Variants in CNTNAP3B observed in about 807,000 individuals in gnomAD.
CNTNAP3B encodes the protein contactin associated protein family member 3B.
A neutral mutation model predicts 108.9 loss-of-function variants in CNTNAP3B; 25 were observed. The observed-to-expected ratio is 0.23, with a 90% CI of 0.17 to 0.32. The LOEUF (loss-of-function observed/expected upper bound fraction) is 0.32, where lower values mean the gene tolerates loss of function less well. CNTNAP3B is among the 10% of genes least tolerant of loss of function. The probability of loss-of-function intolerance (pLI) is 1.00; values close to 1 mark genes in which losing one functional copy is unlikely to be tolerated. For synonymous variants in CNTNAP3B, 103 were observed against 473.4 expected (o/e 0.22, Z 10.16); for missense variants, 252 against 1,210.4 (o/e 0.21, Z 11.75).
intron 3 of CNTNAP3B, among the ~76,000 whole-genome samples, chr9:42,029,370 AT>A: frequency 7.7e-6 from 1 of 129,436 alleles, no homozygotes; most frequent in Non-Finnish European, 1.6e-5. Context: ...ACAAGTCCAC[AT>A]TTTGAGGACC....
intron 1 of CNTNAP3B, among the ~76,000 whole-genome samples, chr9:42,117,195 T>C (rs1223030840): frequency 1.5e-5 from 2 of 134,882 alleles, no homozygotes; most frequent in Non-Finnish European, 3.1e-5. Context: ...TCTACAGAAC[T>C]CTCCACCCCA....
chr9:41,940,510 G>A (rs549818517), intron 13 of CNTNAP3B, among the ~76,000 whole-genome samples: 5 of 145,564 alleles, frequency 3.4e-5, no homozygotes, highest in African/African-American at 1.3e-4. Context: ...TATCCTTCAA[G>A]AATAAAAATG....
At chr9:42,119,401 TG>T in intron 1 of CNTNAP3B, among the ~76,000 whole-genome samples, 1 of 133,410 alleles carries the variant, frequency 7.5e-6, no homozygotes, top group Non-Finnish European at 1.6e-5. Context: ...ATGGCCATAC[TG>T]CCCAAGGTAA....
At chr9:41,932,023 T>C (rs1334401672) in intron 14 of CNTNAP3B, among the ~76,000 whole-genome samples, 160 of 152,116 alleles carry the variant, frequency 1.1e-3, no homozygotes, top group African/African-American at 3.8e-3. Flanking sequence ...GTCTGGTGTT[T>C]TCATTCTGAG....
chr9:42,111,112 C>A lies in CNTNAP3B; in HGVS notation c.86-6373G>T, dbSNP rs1454318176. On this transcript the variant is annotated intron_variant, in intron 1 of 23. Coordinates refer to ENST00000377561, the MANE Select transcript of CNTNAP3B (RefSeq NM_001201380.3). ...GCACAGGGACAAGCCTCAGGCCTGG[C>A]AACTGAATGTCATGCCTGTCCTACT... Among the ~76,000 whole-genome samples, 32 of 138,200 alleles carry A rather than the reference C, an allele frequency of 2.3e-4. 1 individual carries two copies. The highest frequency in any genetic ancestry group is 5.8e-4 in the Admixed American group (8 of 13,818). The allele number at this position is 138,200 out of a possible 152,430, so 90.7% of individuals were successfully genotyped here. A position where few individuals can be genotyped will look rare whatever the true frequency, so the allele number is the denominator to read the frequency against.
At chr9:41,962,075 C>T (rs1452690771) in intron 11 of CNTNAP3B, among the ~76,000 whole-genome samples, 1 of 151,876 alleles carries the variant, frequency 6.6e-6, no homozygotes, top group Non-Finnish European at 1.5e-5. Context: ...AACTGTTTGG[C>T]TTTTTAAATG....
chr9:42,122,052 A>ACGC (rs1445004044), intron 1 of CNTNAP3B, among the ~76,000 whole-genome samples: 1 of 139,952 alleles, frequency 7.1e-6, no homozygotes, highest in Admixed American at 7.1e-5. Flanking sequence ...GTTACATGAC[A>ACGC]AGTGAGGAGC....
At chr9:41,990,891 A>C (rs1825793731) in intron 8 of CNTNAP3B, among the ~76,000 whole-genome samples, 1 of 139,108 alleles carries the variant, frequency 7.2e-6, no homozygotes, top group Admixed American at 7.2e-5. Flanking sequence ...GCCCAACAAA[A>C]ACAGGCCCTG....
chr9:41,921,244 C>G lies in CNTNAP3B; in HGVS notation c.2756-935G>C, dbSNP rs1188158202. ...TTCTAGGCATTCCCTTAAATAATCTCCAAGATTACAAGTGAGAAAATCAAG... is the reference window on the plus strand; with the variant it reads ...TTCTAGGCATTCCCTTAAATAATCTGCAAGATTACAAGTGAGAAAATCAAG... On this transcript the variant is annotated intron_variant, in intron 17 of 23. Coordinates refer to ENST00000377561, the MANE Select transcript of CNTNAP3B (RefSeq NM_001201380.3). Among the ~76,000 whole-genome samples, 38 of 152,222 alleles carry G rather than the reference C, an allele frequency of 2.5e-4. No individual in the cohort carries two copies. The South Asian group carries it at 6.2e-3, about 25-fold the overall frequency.
intron 11 of CNTNAP3B, among the ~76,000 whole-genome samples, chr9:41,962,082 AATG>A (rs985542654): frequency 2.0e-5 from 3 of 152,268 alleles, no homozygotes; most frequent in African/African-American, 4.8e-5. Context: ...TGGCTTTTTA[AATG>A]ATAATGTATA....
intron 14 of CNTNAP3B, among the ~76,000 whole-genome samples, chr9:41,935,365 GCTTTCA>G (rs1303279317): frequency 3.9e-5 from 6 of 152,264 alleles, no homozygotes; most frequent in Non-Finnish European, 8.8e-5. Context: ...ACTTAAAATA[GCTTTCA>G]CTTTACTTTC....
chr9:42,034,139 A>G (rs1227463123), intron 3 of CNTNAP3B, among the ~76,000 whole-genome samples: 2 of 112,990 alleles, frequency 1.8e-5, no homozygotes, highest in African/African-American at 3.6e-5. Flanking sequence ...CTATCTTTCT[A>G]TGTGTACATA....
At position 41,929,459 on chromosome 9, in the gene CNTNAP3B, C is replaced by T. The variant is rs1823912925; in HGVS notation, c.2238-15G>A. 2 of 1,522,712 alleles carry T rather than the reference C, an allele frequency of 1.3e-6. No homozygotes were observed. Among genetic ancestry groups the T allele is most frequent in the East Asian group, 2.3e-5 (1 of 42,560 alleles). 94.3% of individuals were successfully genotyped at this position (1,522,712 alleles called of 1,614,324 possible). A position where few individuals can be genotyped will look rare whatever the true frequency, so the allele number is the denominator to read the frequency against. On this transcript the variant is annotated splice_polypyrimidine_tract_variant and intron_variant, in intron 14 of 23. Coordinates refer to ENST00000377561, the MANE Select transcript of CNTNAP3B (RefSeq NM_001201380.3). The stretch of plus-strand genomic sequence containing the variant: ...TGTCACTAGTCCTAAAGAACAACAA[C>T]CGAAACCATTAAAATTATTCTGATT...
chr9:41,930,396 A>G (rs2118005572), intron 14 of CNTNAP3B, among the ~76,000 whole-genome samples: 1 of 152,420 alleles, frequency 6.6e-6, no homozygotes, highest in South Asian at 2.1e-4. Context: ...TACAAAAATT[A>G]GCTGGGTGTG....
intron 12 of CNTNAP3B, among the ~76,000 whole-genome samples, chr9:41,956,340 C>T (rs1292701555): frequency 4.3e-4 from 66 of 151,996 alleles, no homozygotes; most frequent in Middle Eastern, 3.4e-3. Flanking sequence ...GAGCCGAGAT[C>T]GTGCCACTGT....
chr9:41,963,571 A>G (rs1490479641), intron 11 of CNTNAP3B, among the ~76,000 whole-genome samples: 1 of 151,262 alleles, frequency 6.6e-6, no homozygotes, highest in Non-Finnish European at 1.5e-5. Context: ...TTACACTTAA[A>G]TGTCTACCAG....
intron 2 of CNTNAP3B, among the ~76,000 whole-genome samples, chr9:42,077,717 G>A (rs1827522052): frequency 8.5e-6 from 1 of 116,960 alleles, no homozygotes; most frequent in Non-Finnish European, 1.8e-5. Context: ...TGCTCTCTCT[G>A]GCAGTACTGC....
At chr9:42,020,485 T>C (rs1826292643) in intron 3 of CNTNAP3B, among the ~76,000 whole-genome samples, 1 of 145,118 alleles carries the variant, frequency 6.9e-6, no homozygotes, top group African/African-American at 2.6e-5. Flanking sequence ...ATTTCCTTAT[T>C]ATAATTATAA....
intron 14 of CNTNAP3B, among the ~76,000 whole-genome samples, chr9:41,934,032 C>T (rs1824061944): frequency 6.7e-6 from 1 of 150,366 alleles, no homozygotes; most frequent in Admixed American, 6.6e-5. Flanking sequence ...TTCACTTACT[C>T]ATTCCCAAAA....
Sources: gnomAD v4.1 joint callset for allele counts (sites outside exome capture counted in the v4.1 genomes callset) on GRCh38, gnomAD v4.1.1 for gene constraint, MANE v1.5 for transcripts, NCBI Gene and HGNC (gene_info 2026-07-23, HGNC 2026-07-21) for gene names.